ITPR1: variants seen among roughly 807,000 people sequenced by gnomAD.
The protein encoded by ITPR1 is inositol 1,4,5-trisphosphate-gated calcium channel ITPR1.
In ITPR1, 96 loss-of-function variants were observed where a neutral mutation model predicts 318.4. That is an observed-to-expected ratio of 0.30 (90% CI 0.26 to 0.36). The LOEUF is 0.36. ITPR1 is among the 10% of genes least tolerant of loss of function. The pLI, the probability that ITPR1 is intolerant of heterozygous loss-of-function variation, is 1.00. For synonymous variants in ITPR1, 1,312 were observed against 1,289.9 expected (o/e 1.02, Z -0.37); for missense variants, 2,440 against 3,460.2 (o/e 0.71, Z 7.40).
intron 45 of ITPR1, 64 bp downstream of exon 45, chr3:4,766,774 C>A: frequency 7.9e-7 from 1 of 1,269,536 alleles, no homozygotes; most frequent in Non-Finnish European, 1.1e-6. Context: ...TGTTATCCTT[C>A]ATTGTTTTCA....
intron 18 of ITPR1, among the ~76,000 whole-genome samples, chr3:4,668,273 A>C (rs143019878): frequency 7.9e-6 from 1 of 126,620 alleles, no homozygotes; most frequent in Non-Finnish European, 1.6e-5. Context: ...CCCTCCCACT[A>C]TCTTTCCCAG....
chr3:4,679,085 G>A (rs1254728204), intron 24 of ITPR1, among the ~76,000 whole-genome samples: 1 of 152,134 alleles, frequency 6.6e-6, no homozygotes, highest in African/African-American at 2.4e-5. Context: ...ACGGCAGTAG[G>A]GGAGAACTCT....
intron 4 of ITPR1, among the ~76,000 whole-genome samples, chr3:4,608,354 A>G (rs1575698245): frequency 6.6e-6 from 1 of 152,290 alleles, no homozygotes; most frequent in East Asian, 1.9e-4. Context: ...CCAGCCATCA[A>G]GTAGGATTCC....
At chr3:4,501,522 A>G (rs1410427321) in intron 2 of ITPR1, among the ~76,000 whole-genome samples, 1 of 152,256 alleles carries the variant, frequency 6.6e-6, no homozygotes, top group Non-Finnish European at 1.5e-5. Context: ...GAAGATATGC[A>G]TTGGAGGATG....
chr3:4,707,272 G>A (rs2094778825), intron 37 of ITPR1, among the ~76,000 whole-genome samples: 1 of 152,224 alleles, frequency 6.6e-6, no homozygotes, highest in Admixed American at 6.5e-5. Context: ...GGCTCCGCTA[G>A]CTATTTCTTG....
At chr3:4,769,520 ATT>A in intron 46 of ITPR1, among the ~76,000 whole-genome samples, 1 of 152,230 alleles carries the variant, frequency 6.6e-6, no homozygotes, top group Non-Finnish European at 1.5e-5. Flanking sequence ...CCTTTCAGTG[ATT>A]TACAGAAAGA....
At chr3:4,542,754 T>C (rs917563041) in intron 4 of ITPR1, among the ~76,000 whole-genome samples, 9 of 152,162 alleles carry the variant, frequency 5.9e-5, no homozygotes, top group Non-Finnish European at 1.3e-4. Context: ...TGCAGAGCTT[T>C]ATCCCCTCTA....
At chr3:4,662,457 TC>T (rs1350146904) in intron 15 of ITPR1, among the ~76,000 whole-genome samples, 2 of 152,210 alleles carry the variant, frequency 1.3e-5, no homozygotes, top group African/African-American at 4.8e-5. Context: ...GTGTAGTGGC[TC>T]ACACCTGTAA....
intron 59 of ITPR1, among the ~76,000 whole-genome samples, chr3:4,815,445 C>G: frequency 6.6e-6 from 1 of 152,166 alleles, no homozygotes; most frequent in Admixed American, 6.5e-5. Context: ...GAGCTTCTAC[C>G]ACTTAACTAA....
chr3:4,843,450 G>C (rs972613115), intron 61 of ITPR1, among the ~76,000 whole-genome samples: 11 of 152,164 alleles, frequency 7.2e-5, no homozygotes, highest in Non-Finnish European at 1.5e-4. Flanking sequence ...TCAAAGTGTA[G>C]TCCCCAGACC....
chr3:4,744,229 A>G (rs2043916774), intron 44 of ITPR1, among the ~76,000 whole-genome samples: 1 of 152,248 alleles, frequency 6.6e-6, no homozygotes, highest in African/African-American at 2.4e-5. Context: ...AAAATGACAG[A>G]GAAGACCTGG....
rs184773324 is a variant in ITPR1, at chr3:4,701,121, T to C, written c.4536+1180T>C. 7.2e-5 allele frequency among the ~76,000 whole-genome samples: 11 copies of C among 152,320 alleles called. No homozygotes were observed. In the East Asian group the frequency reaches 1.9e-3, roughly 27 times the overall value. Reference sequence around the variant, plus strand: ...GTTAGCAGGTGGCTACTCTTATCCATTTAATCATCTTTTGTACACTGAGGT... The same window carrying C: ...GTTAGCAGGTGGCTACTCTTATCCACTTAATCATCTTTTGTACACTGAGGT... On this transcript the variant is annotated intron_variant, in intron 35 of 61. Coordinates refer to ENST00000649015, the MANE Select transcript of ITPR1 (RefSeq NM_001378452.1).
intron 4 of ITPR1, among the ~76,000 whole-genome samples, chr3:4,566,489 G>C (rs1239907968): frequency 6.6e-6 from 1 of 152,006 alleles, no homozygotes; most frequent in African/African-American, 2.4e-5. Context: ...GGAATAGGTG[G>C]GTCAGTTCAG....
At chr3:4,663,426 A>G (rs1575979803) in intron 16 of ITPR1, among the ~76,000 whole-genome samples, 2 of 152,162 alleles carry the variant, frequency 1.3e-5, no homozygotes, top group South Asian at 4.1e-4. Flanking sequence ...AGAGAAATCA[A>G]TGGGATCATT....
At chr3:4,682,291 T>C (rs1277855977) in intron 26 of ITPR1, among the ~76,000 whole-genome samples, 2 of 152,262 alleles carry the variant, frequency 1.3e-5, no homozygotes, top group Non-Finnish European at 2.9e-5. Flanking sequence ...TCTCTGTCCA[T>C]GTGGATAGCT....
intron 60 of ITPR1, among the ~76,000 whole-genome samples, chr3:4,821,399 A>C (rs530943906): frequency 1.3e-5 from 2 of 152,296 alleles, no homozygotes; most frequent in East Asian, 3.9e-4. Context: ...CTCAGATGCC[A>C]CTCGGGCAGG....
chr3:4,698,090 A>G (rs978931258), intron 34 of ITPR1, among the ~76,000 whole-genome samples: 2 of 72,946 alleles, frequency 2.7e-5, no homozygotes, highest in African/African-American at 1.2e-4. Flanking sequence ...TGCTAAAGCC[A>G]CAAGACTGCC....
chr3:4,780,973 G>A (rs111493751), intron 49 of ITPR1, among the ~76,000 whole-genome samples: 2,881 of 152,346 alleles, frequency 0.019, 42 homozygotes, highest in South Asian at 0.049. Context: ...GCTCATAGGA[G>A]GAGTCAGGCT....
chr3:4,574,180 A>T (rs2088355595), intron 4 of ITPR1, among the ~76,000 whole-genome samples: 1 of 151,962 alleles, frequency 6.6e-6, no homozygotes, highest in Non-Finnish European at 1.5e-5. Flanking sequence ...TCTAAGTGGG[A>T]AAGTATAGAT....
Sources: gnomAD v4.1 joint callset for allele counts (sites outside exome capture counted in the v4.1 genomes callset) on GRCh38, gnomAD v4.1.1 for gene constraint, MANE v1.5 for transcripts, NCBI Gene and HGNC (gene_info 2026-07-23, HGNC 2026-07-21) for gene names.